Variants in OLFM3 observed in about 807,000 individuals in gnomAD.
The protein encoded by OLFM3 is olfactomedin 3.
Under a neutral mutation model 48.6 loss-of-function variants are expected in OLFM3, and 20 were observed. The ratio of observed to expected loss-of-function variants is 0.41; its 90% confidence interval spans 0.29 to 0.60. OLFM3 has a LOEUF of 0.60. Ranked by LOEUF, OLFM3 falls within the 20% of genes least tolerant of loss-of-function variation. The probability of loss-of-function intolerance (pLI) is 0.28; values close to 1 mark genes in which losing one functional copy is unlikely to be tolerated. For missense variants in OLFM3, 437 were observed against 544.3 expected (o/e 0.80, Z 1.96); for synonymous variants, 222 against 198.1 (o/e 1.12, Z -1.01).
In OLFM3 at chr1:101,991,016, A is replaced by AAAAATATAT. The variant is rs1553186119; in HGVS notation, c.69+5731_69+5732insATATATTTT. On this transcript the variant is annotated intron_variant, in intron 1 of 5. Transcript: ENST00000370103. ...AAAAAAAAAAAAAAAAAAAAAAAAA[A>AAAAATATAT]ATATATATATATATATATATATATA... is the stretch of plus-strand genomic sequence containing the variant. 9.8e-3 allele frequency among the ~76,000 whole-genome samples: 312 copies of AAAAATATAT among 31,942 alleles called. 5 individuals carry two copies. The highest frequency in any genetic ancestry group is 0.012 in the Non-Finnish European group (221 of 19,056). The allele number at this position is 31,942 out of a possible 152,430, so 21.0% of individuals were successfully genotyped here. A position where few individuals can be genotyped will look rare whatever the true frequency, so the allele number is the denominator to read the frequency against.
intron 1 of OLFM3, among the ~76,000 whole-genome samples, chr1:101,915,570 CTT>C (rs978673113): frequency 3.9e-5 from 6 of 152,094 alleles, no homozygotes; most frequent in African/African-American, 1.4e-4. Flanking sequence ...TCTCTCCTCT[CTT>C]AGTAGAAATA....
chr1:101,895,633 A>C (rs1047851073), intron 1 of OLFM3, among the ~76,000 whole-genome samples: 7 of 152,118 alleles, frequency 4.6e-5, no homozygotes, highest in Non-Finnish European at 1.0e-4. Flanking sequence ...ATAGCCTGTG[A>C]AGACTGTTGA....
At chr1:101,874,563 A>T (rs1657221567) in intron 1 of OLFM3, among the ~76,000 whole-genome samples, 1 of 151,854 alleles carries the variant, frequency 6.6e-6, no homozygotes, top group Non-Finnish European at 1.5e-5. Context: ...GGTACTATGT[A>T]TATAATTTTG....
chr1:101,808,286 A>G (rs898159577), intron 4 of OLFM3, among the ~76,000 whole-genome samples: 5 of 151,822 alleles, frequency 3.3e-5, no homozygotes, highest in Non-Finnish European at 7.4e-5. Context: ...GAAAAAAAGC[A>G]AAGCAAAGGT....
intron 1 of OLFM3, among the ~76,000 whole-genome samples, chr1:101,993,548 AAATT>A (rs1245757587): frequency 6.6e-6 from 1 of 152,170 alleles, no homozygotes; most frequent in Admixed American, 6.5e-5. Context: ...ATTACAAATG[AAATT>A]AATTGACATC....
chr1:101,810,401 A>G (rs1246438499), intron 4 of OLFM3, among the ~76,000 whole-genome samples: 1 of 152,014 alleles, frequency 6.6e-6, no homozygotes, highest in Non-Finnish European at 1.5e-5. Context: ...AAACTGTTAA[A>G]TGTGGTTGAA....
At chr1:101,949,201 T>C (rs930768670) in intron 1 of OLFM3, among the ~76,000 whole-genome samples, 1 of 152,170 alleles carries the variant, frequency 6.6e-6, no homozygotes, top group Admixed American at 6.5e-5. Context: ...AAAACACCAC[T>C]GTTTATGTTC....
intron 1 of OLFM3, among the ~76,000 whole-genome samples, chr1:101,939,124 C>T (rs1304258360): frequency 6.6e-6 from 1 of 152,096 alleles, no homozygotes; most frequent in Admixed American, 6.6e-5. Context: ...TATTTCACAA[C>T]TAGCACAAAC....
At chr1:101,814,032 C>T (rs1654208791) in intron 4 of OLFM3, among the ~76,000 whole-genome samples, 1 of 152,126 alleles carries the variant, frequency 6.6e-6, no homozygotes, top group South Asian at 2.1e-4. Flanking sequence ...ATGTCCTTTA[C>T]TTTTCACTGA....
At chr1:101,926,974 G>T (rs1049247272) in intron 1 of OLFM3, among the ~76,000 whole-genome samples, 1 of 152,082 alleles carries the variant, frequency 6.6e-6, no homozygotes, top group South Asian at 2.1e-4. Flanking sequence ...TAATACAATC[G>T]CTTTTTCCTA....
At chr1:101,922,147 A>G (rs1659116661) in intron 1 of OLFM3, among the ~76,000 whole-genome samples, 1 of 151,940 alleles carries the variant, frequency 6.6e-6, no homozygotes, top group Non-Finnish European at 1.5e-5. Flanking sequence ...TGTGAAACCA[A>G]CTCCATTTCT....
chr1:101,983,557 C>T (rs1388492781), intron 1 of OLFM3, among the ~76,000 whole-genome samples: 1 of 152,192 alleles, frequency 6.6e-6, no homozygotes, highest in Non-Finnish European at 1.5e-5. Flanking sequence ...TAAACTAGTG[C>T]CAGCTGTAAG....
At chr1:101,928,651 G>A (rs1421498072) in intron 1 of OLFM3, among the ~76,000 whole-genome samples, 1 of 152,126 alleles carries the variant, frequency 6.6e-6, no homozygotes, top group African/African-American at 2.4e-5. Context: ...GGTGTGATAA[G>A]GGGTAATATT....
intron 1 of OLFM3, among the ~76,000 whole-genome samples, chr1:101,884,402 C>A (rs1657659536): frequency 6.6e-6 from 1 of 151,714 alleles, no homozygotes; most frequent in Non-Finnish European, 1.5e-5. Flanking sequence ...TTCCCAGGCA[C>A]CATTAAGAAA....
At chr1:101,824,953 A>T (rs1654787423) in intron 4 of OLFM3, 73 bp downstream of exon 4, 2 of 1,313,158 alleles carry the variant, frequency 1.5e-6, no homozygotes, top group African/African-American at 2.9e-5. Flanking sequence ...GACTCTTTAT[A>T]AAACGTAAGA....
chr1:101,807,972 T>C (rs1312679811), intron 4 of OLFM3, among the ~76,000 whole-genome samples: 1 of 151,780 alleles, frequency 6.6e-6, no homozygotes, highest in Non-Finnish European at 1.5e-5. Context: ...ATGGTTCTAG[T>C]TGAGTATATT....
intron 4 of OLFM3, among the ~76,000 whole-genome samples, chr1:101,813,701 T>A (rs1437004718): frequency 6.6e-6 from 1 of 152,172 alleles, no homozygotes; most frequent in African/African-American, 2.4e-5. Context: ...CTGTCATCCA[T>A]TAGCTATCTT....
chr1:101,822,340 G>C (rs1441899439), intron 4 of OLFM3, among the ~76,000 whole-genome samples: 1 of 152,086 alleles, frequency 6.6e-6, no homozygotes, highest in East Asian at 1.9e-4. Context: ...ACATACGTTA[G>C]GTTTCAGGGG....
At chr1:101,925,864 G>T (rs1659255736) in intron 1 of OLFM3, among the ~76,000 whole-genome samples, 1 of 152,052 alleles carries the variant, frequency 6.6e-6, no homozygotes, top group Non-Finnish European at 1.5e-5. Flanking sequence ...GCAGGCTTCT[G>T]TAGGACGTTG....
Sources: gnomAD v4.1 joint callset for allele counts (sites outside exome capture counted in the v4.1 genomes callset) on GRCh38, gnomAD v4.1.1 for gene constraint, MANE v1.5 for transcripts, NCBI Gene and HGNC (gene_info 2026-07-23, HGNC 2026-07-21) for gene names.